The following MOV10L1 variants were observed in gnomAD, a reference collection of about 807,000 sequenced individuals.
MOV10L1 encodes Mov10 like RNA helicase 1, also known as RNA helicase Mov10l1.
In MOV10L1, 110 loss-of-function variants were observed where a neutral mutation model predicts 143.8. The ratio of observed to expected loss-of-function variants is 0.76; its 90% CI spans 0.66 to 0.90. The LOEUF (loss-of-function observed/expected upper bound fraction) is 0.90, where lower values mean the gene tolerates loss of function less well. MOV10L1 is among the 40% of genes least tolerant of loss of function. MOV10L1 has a pLI of 0.00. For missense variants in MOV10L1, 1,406 were observed against 1,526.8 expected (o/e 0.92, Z 1.32); for synonymous variants, 593 against 581.1 (o/e 1.02, Z -0.29).
At chr22:50,133,936 C>A (rs943519733) in intron 13 of MOV10L1, 71 bp from the exon 14 acceptor site, 1 of 1,297,752 alleles carries the variant, frequency 7.7e-7, no homozygotes, top group East Asian at 2.4e-5. Context: ...ATAAAATTTT[C>A]ATTACCTTAT....
At chr22:50,128,540 C>CTTTTTTTT (rs36022529) in intron 13 of MOV10L1, 33 bp downstream of exon 13, 15 of 487,870 alleles carry the variant, frequency 3.1e-5, no homozygotes, top group South Asian at 6.2e-5. Context: ...TTTCAAATGT[C>CTTTTTTTT]TTTTTTTTTT....
intron 2 of MOV10L1, chr22:50,095,038 A>AAAAT (rs1002020292): frequency 6.6e-6 from 1 of 152,176 alleles, no homozygotes; most frequent in Non-Finnish European, 1.5e-5. Context: ...CTGTCTCTTA[A>AAAAT]AAATAAATAA....
At chr22:50,140,264 G>C (rs2062942147) in intron 15 of MOV10L1, among the ~76,000 whole-genome samples, 1 of 152,228 alleles carries the variant, frequency 6.6e-6, no homozygotes, top group African/African-American at 2.4e-5. Context: ...TGCCACTGGA[G>C]GGGCTGCGGC....
At chr22:50,160,512 C>A (rs2063530617) in intron 24 of MOV10L1, among the ~76,000 whole-genome samples, 176 bp from the exon 25 acceptor site, 1 of 152,076 alleles carries the variant, frequency 6.6e-6, no homozygotes, top group African/African-American at 2.4e-5. Flanking sequence ...CTCGGCCTCC[C>A]AAAGGCTGGG....
At chr22:50,113,905 A>C in intron 6 of MOV10L1, 117 bp downstream of exon 6, 2 of 663,402 alleles carry the variant, frequency 3.0e-6, no homozygotes, top group Non-Finnish European at 4.3e-6. Flanking sequence ...CTTTATGAAG[A>C]TCTTTTCTTT....
At chr22:50,126,987 G>C (rs1320447377) in intron 12 of MOV10L1, among the ~76,000 whole-genome samples, 2 of 152,132 alleles carry the variant, frequency 1.3e-5, no homozygotes, top group African/African-American at 4.8e-5. Flanking sequence ...CACAGAGTGG[G>C]ATATTTCCCA....
intron 2 of MOV10L1, chr22:50,096,420 T>C (rs2062590747): frequency 6.6e-6 from 1 of 152,250 alleles, no homozygotes; most frequent in African/African-American, 2.4e-5. Flanking sequence ...GTTTCTACTT[T>C]TTGGTTGTTG....
intron 16 of MOV10L1, 101 bp from the exon 17 acceptor site, chr22:50,142,942 C>T (rs2063032961): frequency 1.8e-6 from 2 of 1,097,872 alleles, no homozygotes; most frequent in Admixed American, 4.0e-5. Flanking sequence ...TCTGATTTAG[C>T]CTTTGCACAG....
rs2063482670 is a variant in MOV10L1, at chr22:50,158,521, G to A, written c.3216+315G>A. On this transcript the variant is annotated intron_variant, in intron 23 of 26. Transcript: ENST00000262794. The surrounding 1 kb of genome is among the most constrained non-coding windows in gnomAD (Gnocchi z 5.0). ...TGCCAACCCCCAGCTCTAACCCAGTGTTTCTCAAAGGGGGCACTTTGGGTA... is the reference window on the plus strand; with the variant it reads ...TGCCAACCCCCAGCTCTAACCCAGTATTTCTCAAAGGGGGCACTTTGGGTA... 3 of 305,286 alleles carry A rather than the reference G, an allele frequency of 9.8e-6. No homozygotes were observed. In the South Asian group the frequency reaches 1.5e-4, roughly 15 times the overall value. The allele number at this position is 305,286 out of a possible 1,614,324, so 18.9% of individuals were successfully genotyped here.
rs934684429 is a variant in MOV10L1 at position 50,128,472 on chromosome 22, C to T, written c.1875C>T (p.Asn625=). The T allele has an allele frequency of 6.5e-6, 10 of 1,527,606 alleles. No individual in the cohort carries two copies. The African/African-American group carries it at 8.4e-5, about 13-fold the overall frequency. The allele number at this position is 1,527,606 out of a possible 1,614,324, so 94.6% of individuals were successfully genotyped here. Reference sequence around the variant, plus strand: ...ATCCAGAATTTGAACAAGCCTATAACTTTGAACCTATGGATGTGGAATTTA... The same window carrying T: ...ATCCAGAATTTGAACAAGCCTATAATTTTGAACCTATGGATGTGGAATTTA... The part of the protein sequence containing the change: ...KINPEFEQAY[N]FEPMDVEFTY... Residue 625 remains asparagine (N), a synonymous_variant, in exon 13 of 27, where the codon AAC becomes AAT. Transcript: ENST00000262794.
chr22:50,097,870 G>A (rs1169799037), intron 2 of MOV10L1, among the ~76,000 whole-genome samples: 1 of 152,092 alleles, frequency 6.6e-6, no homozygotes, highest in Non-Finnish European at 1.5e-5. Context: ...GTCTTGCTCT[G>A]TCACCCAGGA....
chr22:50,153,335 G>A (rs886752087), intron 22 of MOV10L1, 117 bp downstream of exon 22: 48 of 1,254,732 alleles, frequency 3.8e-5, no homozygotes, highest in Non-Finnish European at 5.1e-5. Context: ...TGTTCTGCTG[G>A]TCTCCAGAGA....
chr22:50,128,544 T>A, intron 13 of MOV10L1, 37 bp downstream of exon 13: 1 of 570,852 alleles, frequency 1.8e-6, no homozygotes, highest in Non-Finnish European at 2.7e-6. Flanking sequence ...AAATGTCTTT[T>A]TTTTTTTTTT....
intron 12 of MOV10L1, among the ~76,000 whole-genome samples, chr22:50,127,779 G>GTTT (rs71198220): frequency 1.4e-5 from 2 of 146,984 alleles, no homozygotes; most frequent in African/African-American, 5.0e-5. Flanking sequence ...TGTTTTTTTT[G>GTTT]TTTTTTTTTT....
At chr22:50,161,161 T>G (rs2063550906) in intron 26 of MOV10L1, 106 bp downstream of exon 26, 4 of 1,246,252 alleles carry the variant, frequency 3.2e-6, no homozygotes, top group African/African-American at 1.5e-5. Context: ...ACCTGCAGCC[T>G]TAGCCCTCTG....
At chr22:50,161,097 A>G (rs892876552) in intron 26 of MOV10L1, 42 bp downstream of exon 26, 4 of 1,590,664 alleles carry the variant, frequency 2.5e-6, no homozygotes, top group Admixed American at 3.3e-5. Flanking sequence ...GGCTGGCTCT[A>G]GAACGTGCTC....
Position 50,117,265 on chromosome 22 carries a change from G to A in MOV10L1, c.1368G>A (p.Ala456=), listed in dbSNP as rs199858235. 45 of 1,613,980 alleles carry A rather than the reference G, an allele frequency of 2.8e-5. No individual in the cohort carries two copies. Among genetic ancestry groups the A allele is most frequent in the African/African-American group, 8.0e-5 (6 of 74,974 alleles). Reference sequence around the variant, plus strand: ...GTGGGGAGGAGTCACTAATTGCTGCGCGCGAACCATTTTCTTGGAAAAAGC... The same window carrying A: ...GTGGGGAGGAGTCACTAATTGCTGCACGCGAACCATTTTCTTGGAAAAAGC... ...VISGEESLIA[A]REPFSWKKLK... Residue 456 remains alanine, a synonymous_variant, in exon 9 of 27, where the codon GCG becomes GCA. Coordinates refer to ENST00000262794, the MANE Select transcript of MOV10L1 (RefSeq NM_018995.3).
chr22:50,130,838 G>A (rs1005334973), intron 13 of MOV10L1, among the ~76,000 whole-genome samples: 1 of 152,220 alleles, frequency 6.6e-6, no homozygotes, highest in Admixed American at 6.5e-5. Context: ...AGTGTGAAGG[G>A]ATATCTCGTT....
In MOV10L1 at chr22:50,159,921, C is replaced by G. The variant is rs1384971492; in HGVS notation, c.3324+136C>G. On this transcript the variant is annotated intron_variant, in intron 24 of 26. Coordinates refer to ENST00000262794, the MANE Select transcript of MOV10L1 (RefSeq NM_018995.3). The surrounding 1 kb of genome is among the most constrained non-coding windows in gnomAD (Gnocchi z 4.1). ...AGCTGCAGGCGGAGACTCCCTAGGT[C>G]CAGGAGCCATTGTAAGCAGTGGCTG... 1.6e-6 allele frequency: 1 copy of G among 616,332 alleles called. No homozygotes were observed. The highest frequency in any genetic ancestry group is 1.9e-5 in the African/African-American group (1 of 53,024). The allele number at this position is 616,332 out of a possible 1,614,324, so 38.2% of individuals were successfully genotyped here.
Sources: gnomAD v4.1 joint callset for allele counts (sites outside exome capture counted in the v4.1 genomes callset) on GRCh38, gnomAD v4.1.1 for gene constraint, Gnocchi (gnomAD v3.1) non-coding constraint, MANE v1.5 for transcripts, NCBI Gene and HGNC (gene_info 2026-07-23, HGNC 2026-07-21) for gene names.